Variants in GRIN2A observed in about 807,000 individuals in gnomAD.
GRIN2A encodes glutamate ionotropic receptor NMDA type subunit 2A, also known as glutamate receptor ionotropic, NMDA 2A.
GRIN2A carries 22 observed loss-of-function variants against 113.4 expected under a neutral mutation model. The ratio of observed to expected loss-of-function variants is 0.19; its 90% CI spans 0.14 to 0.28. The LOEUF is 0.28. Among genes scored for constraint, GRIN2A ranks in the 10% least tolerant of loss-of-function variants. The pLI is 1.00. For missense variants in GRIN2A, 1,502 were observed against 1,887.0 expected, an observed-to-expected ratio of 0.80 and a Z score of 3.78; for synonymous variants, 827 against 738.4, an observed-to-expected ratio of 1.12 and a Z score of -1.94.
chr16:9,954,038 C>G (rs1195535267), intron 2 of GRIN2A, among the ~76,000 whole-genome samples: 1 of 152,154 alleles, frequency 6.6e-6, no homozygotes, highest in Non-Finnish European at 1.5e-5. Flanking sequence ...GGCTCCTCCT[C>G]CTGCTTTCTT....
intron 4 of GRIN2A, among the ~76,000 whole-genome samples, chr16:9,872,887 AC>A (rs2043295019): frequency 6.6e-6 from 1 of 151,834 alleles, no homozygotes; most frequent in African/African-American, 2.4e-5. Flanking sequence ...CAAAATAAAA[AC>A]AAAAAAACTA....
rs190189253 is a variant in GRIN2A at position 10,133,458 on chromosome 16, T to A, written c.414+46540A>T. On this transcript the variant is annotated intron_variant, in intron 2 of 12. Transcript: ENST00000330684. The stretch of plus-strand genomic sequence containing the variant: ...CCAGTCTCTACTAAAAATACAAAAA[T>A]TAGCCAGGCACGGTGCTGTGCACCC... 8.2e-3 allele frequency among the ~76,000 whole-genome samples: 1,252 copies of A among 152,172 alleles called. 9 individuals carry two copies. Among genetic ancestry groups the A allele is most frequent in the South Asian group, 0.014 (69 of 4,808 alleles).
At chr16:9,924,922 G>A (rs1817189181) in intron 3 of GRIN2A, among the ~76,000 whole-genome samples, 1 of 152,092 alleles carries the variant, frequency 6.6e-6, no homozygotes, top group Admixed American at 6.6e-5. Flanking sequence ...ATGAAGTTGA[G>A]AGTTAGAGTT....
chr16:9,914,416 T>C (rs1218694092), intron 3 of GRIN2A, among the ~76,000 whole-genome samples: 1 of 152,172 alleles, frequency 6.6e-6, no homozygotes, highest in Admixed American at 6.5e-5. Context: ...AATTGTCCAA[T>C]AGTGTCTAAT....
chr16:10,152,462 C>T (rs2049600985), intron 2 of GRIN2A, among the ~76,000 whole-genome samples: 1 of 152,116 alleles, frequency 6.6e-6, no homozygotes, highest in South Asian at 2.1e-4. Context: ...GCCAATCTTC[C>T]CCCAGCTCCA....
intron 3 of GRIN2A, among the ~76,000 whole-genome samples, chr16:9,935,479 G>A (rs1238813986): frequency 2.0e-5 from 3 of 147,854 alleles, no homozygotes; most frequent in Non-Finnish European, 1.5e-5. Flanking sequence ...TCAGATTTAT[G>A]TTAATTGTAA....
rs546751692 is a variant in GRIN2A, at chr16:10,155,735, T to C, written c.414+24263A>G. On this transcript the variant is annotated intron_variant, in intron 2 of 12. Transcript: ENST00000330684. Reference sequence around the variant, plus strand: ...CCTCACAATCATGGCAGAAGGCAAATGAGAAGCAAGGTCACATCTTACATG... The same window carrying C: ...CCTCACAATCATGGCAGAAGGCAAACGAGAAGCAAGGTCACATCTTACATG... Among the ~76,000 whole-genome samples the C allele has an allele frequency of 7.2e-5, 11 of 152,178 alleles. No individual in the cohort carries two copies. The East Asian group carries it at 1.9e-3, about 27-fold the overall frequency.
chr16:9,798,182 C>T (rs1903116579), intron 11 of GRIN2A, 95 bp downstream of exon 11: 2 of 972,690 alleles, frequency 2.1e-6, no homozygotes, highest in Non-Finnish European at 3.2e-6. Flanking sequence ...GGAGCAAACT[C>T]ATCATGCAAA....
chr16:9,814,398 C>G (rs894139728), intron 10 of GRIN2A, among the ~76,000 whole-genome samples: 1 of 152,048 alleles, frequency 6.6e-6, no homozygotes, highest in African/African-American at 2.4e-5. Context: ...ATTAATGGTA[C>G]CCAGATCGTA....
chr16:9,877,530 G>A (rs2043391021), intron 4 of GRIN2A, among the ~76,000 whole-genome samples: 2 of 151,812 alleles, frequency 1.3e-5, no homozygotes, highest in Admixed American at 1.3e-4. Context: ...GCATTCAAGG[G>A]AATATAATTA....
intron 10 of GRIN2A, among the ~76,000 whole-genome samples, chr16:9,811,546 G>A (rs924435709): frequency 6.6e-6 from 1 of 152,158 alleles, no homozygotes. Context: ...ATCACTTGAG[G>A]TCAGGAGTTT....
intron 2 of GRIN2A, among the ~76,000 whole-genome samples, chr16:10,068,190 C>T (rs188714867): frequency 6.6e-6 from 1 of 152,348 alleles, no homozygotes; most frequent in Admixed American, 6.5e-5. Flanking sequence ...TATTGAGTGT[C>T]TACTCTGAGC....
At position 9,763,735 on chromosome 16, in the gene GRIN2A, T is replaced by C; in HGVS notation, c.3809A>G (p.Asp1270Gly). ...TTGAAGGGCATTGTTCTGTGCCCAGTCCTGCTGGTAGACCTGCTCCCCGGT... is the reference window on the plus strand; with the variant it reads ...TTGAAGGGCATTGTTCTGTGCCCAGCCCTGCTGGTAGACCTGCTCCCCGGT... ...PATGEQVYQQ[D>G]WAQNNALQLQ... Residue 1270 changes from aspartate (D) to glycine (G), a missense_variant, in exon 13 of 13, where the codon GAC (aspartate) becomes GGC (glycine). Asp to Gly is a moderately conservative substitution (Grantham distance 94). Around this residue, in one of 7 missense-constraint regions of GRIN2A, gnomAD observed 832 missense variants for 789.7 expected, o/e 1.05. Transcript: ENST00000330684. The C allele has an allele frequency of 6.2e-7, 1 of 1,614,172 alleles. No individual in the cohort carries two copies. The highest frequency in any genetic ancestry group is 8.5e-7 in the Non-Finnish European group (1 of 1,179,998).
intron 2 of GRIN2A, among the ~76,000 whole-genome samples, chr16:9,998,566 C>G (rs1001968015): frequency 6.6e-6 from 1 of 152,178 alleles, no homozygotes; most frequent in Non-Finnish European, 1.5e-5. Flanking sequence ...GGGCACTTTA[C>G]TGCAATAAAA....
At chr16:9,992,201 A>C (rs1303099204) in intron 2 of GRIN2A, among the ~76,000 whole-genome samples, 1 of 152,212 alleles carries the variant, frequency 6.6e-6, no homozygotes, top group Admixed American at 6.5e-5. Flanking sequence ...TGATCCGTTC[A>C]TGGACACTTG....
rs556353684 is a variant in GRIN2A, at chr16:10,017,864, C to T, written c.415-79313G>A. On this transcript the variant is annotated intron_variant, in intron 2 of 12. Coordinates refer to ENST00000330684, the MANE Select transcript of GRIN2A (RefSeq NM_001134407.3). Reference sequence around the variant, plus strand: ...TCAAAATTTAAATAAAGACAAGATCCGACTGTACTTGCCCAACCTTAGTCT... The same window carrying T: ...TCAAAATTTAAATAAAGACAAGATCTGACTGTACTTGCCCAACCTTAGTCT... Among the ~76,000 whole-genome samples the T allele has an allele frequency of 1.1e-4, 17 of 152,222 alleles. No individual in the cohort carries two copies. The South Asian group carries it at 2.1e-3, about 19-fold the overall frequency.
At chr16:9,972,965 G>T (rs2045702477) in intron 2 of GRIN2A, among the ~76,000 whole-genome samples, 1 of 152,198 alleles carries the variant, frequency 6.6e-6, no homozygotes, top group African/African-American at 2.4e-5. Flanking sequence ...AGTGATTCAG[G>T]AGTTCTGATT....
chr16:10,152,323 C>G (rs182748845), intron 2 of GRIN2A, among the ~76,000 whole-genome samples: 17 of 152,334 alleles, frequency 1.1e-4, no homozygotes, highest in Non-Finnish European at 1.9e-4. Context: ...GCACCATGTA[C>G]TTGGCCACCT....
intron 3 of GRIN2A, among the ~76,000 whole-genome samples, chr16:9,895,640 G>T (rs2043790540): frequency 6.6e-6 from 1 of 152,196 alleles, no homozygotes; most frequent in South Asian, 2.1e-4. Flanking sequence ...GGACAGATAG[G>T]CAGGCAACTG....
Sources: gnomAD v4.1 joint callset for allele counts (sites outside exome capture counted in the v4.1 genomes callset) on GRCh38, gnomAD v4.1.1 for gene constraint, gnomAD v4.1.1 regional missense constraint, MANE v1.5 for transcripts, NCBI Gene and HGNC (gene_info 2026-07-23, HGNC 2026-07-21) for gene names.